The following MAGI1 variants were observed in gnomAD, a reference collection of about 807,000 sequenced individuals.
The protein encoded by MAGI1 is membrane-associated guanylate kinase, WW and PDZ domain-containing protein 1.
A neutral mutation model predicts 139.9 loss-of-function variants in MAGI1; 58 were observed. That is an observed-to-expected ratio of 0.41 (90% CI 0.34 to 0.52). The LOEUF (loss-of-function observed/expected upper bound fraction) is 0.52, where lower values mean the gene tolerates loss of function less well. Among genes scored for constraint, MAGI1 ranks in the 20% least tolerant of loss-of-function variants. The pLI is 0.12. For missense variants in MAGI1, 1,874 were observed against 1,901.6 expected (o/e 0.99, Z 0.27); for synonymous variants, 812 against 737.9 (o/e 1.10, Z -1.63).
At chr3:65,555,521 C>T (rs2080044659) in intron 2 of MAGI1, among the ~76,000 whole-genome samples, 1 of 152,070 alleles carries the variant, frequency 6.6e-6, no homozygotes, top group Non-Finnish European at 1.5e-5. Context: ...ACTGCTTGAA[C>T]ACAGTAGATC....
At chr3:65,838,851 T>C (rs2058714618) in intron 1 of MAGI1, among the ~76,000 whole-genome samples, 1 of 152,232 alleles carries the variant, frequency 6.6e-6, no homozygotes, top group Non-Finnish European at 1.5e-5. Flanking sequence ...CAACAATGTA[T>C]GAGAGACTCA....
chr3:65,570,477 T>C (rs1226402852), intron 2 of MAGI1, among the ~76,000 whole-genome samples: 2 of 152,088 alleles, frequency 1.3e-5, no homozygotes, highest in African/African-American at 4.8e-5. Flanking sequence ...AGAAAAATTA[T>C]ATATAGCTTA....
intron 1 of MAGI1, among the ~76,000 whole-genome samples, chr3:65,929,648 G>A (rs1035052846): frequency 2.0e-5 from 3 of 151,830 alleles, no homozygotes; most frequent in Non-Finnish European, 4.4e-5. Flanking sequence ...AGATTTTTAC[G>A]TCAAGAATTC....
At chr3:65,459,813 A>C (rs942372139) in intron 5 of MAGI1, among the ~76,000 whole-genome samples, 3 of 152,162 alleles carry the variant, frequency 2.0e-5, no homozygotes, top group African/African-American at 7.2e-5. Context: ...AGTCCCAGCT[A>C]CTTGGGAGGC....
At chr3:65,510,123 G>A (rs1469921637) in intron 2 of MAGI1, among the ~76,000 whole-genome samples, 2 of 152,262 alleles carry the variant, frequency 1.3e-5, no homozygotes, top group East Asian at 3.9e-4. Context: ...CTAACAAACA[G>A]AAAGGACACC....
At chr3:65,452,543 G>A (rs538731240) in intron 6 of MAGI1, 1 of 150,834 alleles carries the variant, frequency 6.6e-6, no homozygotes, top group African/African-American at 2.4e-5. Context: ...TGGGATAGAC[G>A]TTGGTGTACT....
At chr3:65,916,167 C>T (rs750801969) in intron 1 of MAGI1, among the ~76,000 whole-genome samples, 3 of 151,834 alleles carry the variant, frequency 2.0e-5, no homozygotes, top group African/African-American at 4.8e-5. Context: ...CCCGGGTTGA[C>T]GCGATTCTCA....
intron 1 of MAGI1, among the ~76,000 whole-genome samples, chr3:65,628,229 G>T (rs1046751304): frequency 2.0e-5 from 3 of 151,928 alleles, no homozygotes; most frequent in Non-Finnish European, 2.9e-5. Flanking sequence ...CCACACTTAG[G>T]CCAACATTGG....
intron 2 of MAGI1, among the ~76,000 whole-genome samples, chr3:65,526,429 G>T (rs781454301): frequency 6.6e-6 from 1 of 152,140 alleles, no homozygotes; most frequent in Non-Finnish European, 1.5e-5. Context: ...TACTTGCAAC[G>T]TATGTTATGC....
intron 2 of MAGI1, among the ~76,000 whole-genome samples, chr3:65,497,026 A>G (rs969788486): frequency 1.3e-5 from 2 of 152,098 alleles, no homozygotes; most frequent in African/African-American, 4.8e-5. Flanking sequence ...GGGAAAAGGG[A>G]AAATCAAAAG....
At chr3:65,750,446 GA>G (rs2036053727) in intron 1 of MAGI1, among the ~76,000 whole-genome samples, 1 of 152,154 alleles carries the variant, frequency 6.6e-6, no homozygotes, top group Non-Finnish European at 1.5e-5. Context: ...ATGAACTGTA[GA>G]ATGAGTTCAC....
chr3:65,670,801 A>G (rs2086809497), intron 1 of MAGI1, among the ~76,000 whole-genome samples: 1 of 152,154 alleles, frequency 6.6e-6, no homozygotes, highest in Non-Finnish European at 1.5e-5. Flanking sequence ...TATCACTCTT[A>G]CTAGATATAA....
At chr3:65,388,523 C>T (rs1943629528) in intron 14 of MAGI1, among the ~76,000 whole-genome samples, 2 of 151,962 alleles carry the variant, frequency 1.3e-5, no homozygotes, top group Admixed American at 1.3e-4. Context: ...AGAAACTGAT[C>T]TCAGATAAAG....
intron 1 of MAGI1, among the ~76,000 whole-genome samples, chr3:65,996,488 G>A (rs1018577705): frequency 1.5e-5 from 2 of 133,296 alleles, no homozygotes; most frequent in African/African-American, 2.8e-5. Context: ...GTAAAAAGCC[G>A]TAATTTTCCA....
chr3:65,691,462 G>A (rs535605479), intron 1 of MAGI1, among the ~76,000 whole-genome samples: 16 of 152,154 alleles, frequency 1.1e-4, no homozygotes, highest in African/African-American at 3.9e-4. Flanking sequence ...CACATTATGG[G>A]CTCTGTAATA....
chr3:65,545,847 C>T lies in MAGI1; in HGVS notation c.431-52216G>A, dbSNP rs1486508459. Among the ~76,000 whole-genome samples, 9 of 151,932 alleles carry T rather than the reference C, an allele frequency of 5.9e-5. No individual in the cohort carries two copies. In the East Asian group the frequency reaches 1.5e-3, roughly 26 times the overall value. On this transcript the variant is annotated intron_variant, in intron 2 of 22. Coordinates refer to ENST00000402939, the MANE Select transcript of MAGI1 (RefSeq NM_001033057.2). ...AGCCATGGCGAGAAAATTAAACAGCCTGTATGTAGTAAACGGGTCACAGAA... is the reference window on the plus strand; with the variant it reads ...AGCCATGGCGAGAAAATTAAACAGCTTGTATGTAGTAAACGGGTCACAGAA...
intron 1 of MAGI1, among the ~76,000 whole-genome samples, chr3:65,988,199 A>G (rs1204190884): frequency 6.6e-6 from 1 of 152,212 alleles, no homozygotes; most frequent in East Asian, 1.9e-4. Flanking sequence ...AGTTACTCAA[A>G]TCTACACTTG....
intron 1 of MAGI1, among the ~76,000 whole-genome samples, chr3:65,703,217 C>G (rs1256345302): frequency 2.6e-5 from 4 of 152,176 alleles, no homozygotes; most frequent in South Asian, 2.1e-4. Context: ...ATGAGCAAAT[C>G]TGACAACTGC....
intron 1 of MAGI1, among the ~76,000 whole-genome samples, chr3:65,669,486 C>A (rs1304618172): frequency 6.6e-6 from 1 of 152,132 alleles, no homozygotes; most frequent in Non-Finnish European, 1.5e-5. Flanking sequence ...CTTTGGTCCT[C>A]CAGAAAGTCG....
Sources: allele counts gnomAD v4.1 joint callset (sites outside exome capture counted in the v4.1 genomes callset), GRCh38; gene constraint gnomAD v4.1.1; transcripts MANE v1.5; gene names NCBI Gene and HGNC (gene_info 2026-07-23, HGNC 2026-07-21).